The following SDK1 variants were observed in gnomAD, a reference collection of about 807,000 sequenced individuals.
SDK1 encodes sidekick cell adhesion molecule 1.
A neutral mutation model predicts 245.5 loss-of-function variants in SDK1; 157 were observed. The observed-to-expected ratio is 0.64, with a 90% CI of 0.56 to 0.73. The LOEUF is 0.73. Among genes scored for constraint, SDK1 ranks in the 30% least tolerant of loss-of-function variants. The probability of loss-of-function intolerance (pLI) is 0.00; values close to 1 mark genes in which losing one functional copy is unlikely to be tolerated. For synonymous variants in SDK1, 1,647 were observed against 1,278.5 expected (o/e 1.29, Z -6.15); for missense variants, 3,583 against 3,002.3 (o/e 1.19, Z -4.52).
At chr7:3,693,876 T>G (rs7812010) in intron 4 of SDK1, among the ~76,000 whole-genome samples, 38,461 of 151,878 alleles carry the variant, frequency 0.25, 7,726 homozygotes, top group African/African-American at 0.55. Context: ...CATTTTCTCC[T>G]TCCTGCACAT....
chr7:4,154,235 C>T (rs938492377), intron 30 of SDK1, among the ~76,000 whole-genome samples: 5 of 152,104 alleles, frequency 3.3e-5, no homozygotes, highest in South Asian at 4.1e-4. Flanking sequence ...TGTGATTAGC[C>T]GTCCGAGGCA....
chr7:3,449,100 A>G (rs1780434709), intron 1 of SDK1, among the ~76,000 whole-genome samples: 1 of 152,238 alleles, frequency 6.6e-6, no homozygotes, highest in Non-Finnish European at 1.5e-5. Flanking sequence ...TGCTTTTCAC[A>G]TACAGAGAAA....
chr7:3,803,774 A>T, intron 4 of SDK1, among the ~76,000 whole-genome samples: 2 of 120,382 alleles, frequency 1.7e-5, no homozygotes. Context: ...TTTGAGACAG[A>T]GTCTGGCCTG....
intron 17 of SDK1, among the ~76,000 whole-genome samples, chr7:4,047,976 C>T (rs536386787): frequency 3.9e-5 from 6 of 152,190 alleles, no homozygotes; most frequent in East Asian, 3.9e-4. Flanking sequence ...GAGAGGGGGC[C>T]GAGGGGCATC....
At position 4,265,978 on chromosome 7, in the gene SDK1, TC is replaced by T; in HGVS notation, c.*596del. ...CTAGTCAAGGAGTCGGCTTTCAGGT[TC>T]CTGACGGCCAGGCAGGGATGCTAAG... On this transcript the variant is annotated 3_prime_UTR_variant, in exon 45 of 45. Coordinates refer to ENST00000404826, the MANE Select transcript of SDK1 (RefSeq NM_152744.4). 2.0e-6 allele frequency: 2 copies of T among 985,644 alleles called. No individual in the cohort carries two copies. The highest frequency in any genetic ancestry group is 2.4e-6 in the Non-Finnish European group (2 of 830,060). 61.1% of individuals were successfully genotyped at this position (985,644 alleles called of 1,614,324 possible). A position where few individuals can be genotyped will look rare whatever the true frequency, so the allele number is the denominator to read the frequency against.
In SDK1 at chr7:4,210,085, C is replaced by G; in HGVS notation, c.5462C>G (p.Ser1821Cys). The change falls in exon 38 of 45, where the codon TCC (serine) becomes TGC (cysteine). Residue 1821 changes from serine to cysteine, a missense_variant. Coordinates refer to ENST00000404826, the MANE Select transcript of SDK1 (RefSeq NM_152744.4). ...ATAACCTCCACCACGCTCAACGTGT[C>G]CTGGGGCGAGCCTGCGGCGGCCAAC... ...SEITSTTLNV[S>C]WGEPAAANGI... is the part of the protein sequence containing the mutation. 3 of 1,610,910 alleles carry G rather than the reference C, an allele frequency of 1.9e-6. No individual in the cohort carries two copies. The highest frequency in any genetic ancestry group is 1.7e-5 in the Admixed American group (1 of 59,264).
At chr7:4,227,626 ATC>A (rs1408037432) in intron 40 of SDK1, among the ~76,000 whole-genome samples, 1 of 152,186 alleles carries the variant, frequency 6.6e-6, no homozygotes, top group African/African-American at 2.4e-5. Flanking sequence ...GGAACCAGAA[ATC>A]TCAGGCAGTG....
chr7:4,251,293 A>G (rs1202260013), intron 44 of SDK1, among the ~76,000 whole-genome samples: 3 of 152,248 alleles, frequency 2.0e-5, no homozygotes, highest in African/African-American at 7.2e-5. Flanking sequence ...CAACATCCTC[A>G]TGACTAAGAT....
rs371893220 is a variant in SDK1, at chr7:3,820,208, G to A, written c.714-1242G>A. Among the ~76,000 whole-genome samples the A allele has an allele frequency of 1.7e-4, 26 of 152,032 alleles. No individual in the cohort carries two copies. In the East Asian group the frequency reaches 4.3e-3, roughly 25 times the overall value. Reference sequence around the variant, plus strand: ...CTCTGTCACCAGGCTGGGGTGTGGCGGCGTGATCTCAGCTCACTTCAGCCT... The same window carrying A: ...CTCTGTCACCAGGCTGGGGTGTGGCAGCGTGATCTCAGCTCACTTCAGCCT... On this transcript the variant is annotated intron_variant, in intron 4 of 44. Coordinates refer to ENST00000404826, the MANE Select transcript of SDK1 (RefSeq NM_152744.4).
intron 35 of SDK1, among the ~76,000 whole-genome samples, chr7:4,196,681 G>T (rs1029920176): frequency 1.4e-4 from 21 of 152,168 alleles, no homozygotes; most frequent in African/African-American, 5.1e-4. Context: ...CCAGCACAGA[G>T]CCCACCCTGA....
intron 1 of SDK1, among the ~76,000 whole-genome samples, chr7:3,363,399 G>A (rs1177047828): frequency 4.0e-5 from 6 of 151,740 alleles, no homozygotes; most frequent in Non-Finnish European, 7.4e-5. Flanking sequence ...TCCATGTTTC[G>A]GTGGTTACAA....
At chr7:3,821,635 T>C in intron 5 of SDK1, 52 bp downstream of exon 5, 3 of 1,592,252 alleles carry the variant, frequency 1.9e-6, no homozygotes, top group Non-Finnish European at 2.6e-6. Context: ...AATCTTGCTT[T>C]AATCAGTAAC....
At position 4,129,893 on chromosome 7, in the gene SDK1, G is replaced by A. The variant is rs371531081; in HGVS notation, c.3940-15G>A. 1.7e-5 allele frequency: 27 copies of A among 1,613,004 alleles called. No individual in the cohort carries two copies. Among genetic ancestry groups the A allele is most frequent in the Non-Finnish European group, 2.0e-5 (24 of 1,179,772 alleles). On this transcript the variant is annotated splice_polypyrimidine_tract_variant and intron_variant, in intron 26 of 44. Coordinates refer to ENST00000404826, the MANE Select transcript of SDK1 (RefSeq NM_152744.4). ...CCCGCCTCCTGATAACCCTCGTGCT[G>A]TGTCGATACCACAGATCCTGTTCCG...
Position 3,787,330 on chromosome 7 carries a change from C to T in SDK1, c.714-34120C>T, listed in dbSNP as rs10250749. Among the ~76,000 whole-genome samples the T allele has an allele frequency of 5.6e-3, 852 of 152,200 alleles. 9 individuals carry two copies. Among genetic ancestry groups the T allele is most frequent in the African/African-American group, 0.02 (819 of 41,528 alleles). ...ACATAAGCATCTAAACTCTGATTAA[C>T]TCAGGAAAACACAAAGAAAATAGTT... is the stretch of plus-strand genomic sequence containing the variant. On this transcript the variant is annotated intron_variant, in intron 4 of 44. Coordinates refer to ENST00000404826, the MANE Select transcript of SDK1 (RefSeq NM_152744.4).
At chr7:4,256,706 T>G (rs909775641) in intron 44 of SDK1, among the ~76,000 whole-genome samples, 1 of 152,162 alleles carries the variant, frequency 6.6e-6, no homozygotes, top group Non-Finnish European at 1.5e-5. Context: ...ACACAGCATT[T>G]TTGTTGGTGA....
intron 4 of SDK1, among the ~76,000 whole-genome samples, chr7:3,737,221 G>A (rs796405958): frequency 1.2e-4 from 18 of 152,330 alleles, no homozygotes; most frequent in African/African-American, 4.3e-4. Flanking sequence ...GCCATAGGCT[G>A]GGCTCCGCAG....
intron 5 of SDK1, among the ~76,000 whole-genome samples, chr7:3,949,459 G>T (rs1261950054): frequency 3.3e-5 from 5 of 152,186 alleles, no homozygotes; most frequent in Non-Finnish European, 7.3e-5. Context: ...TCACCCCACC[G>T]CCAGCCGGGC....
intron 4 of SDK1, among the ~76,000 whole-genome samples, chr7:3,700,982 T>C (rs1203011375): frequency 2.0e-5 from 3 of 152,142 alleles, no homozygotes; most frequent in Admixed American, 6.5e-5. Flanking sequence ...AGCGGACATC[T>C]TGTGGCTGTG....
intron 14 of SDK1, among the ~76,000 whole-genome samples, chr7:3,991,068 G>A (rs1217426656): frequency 6.6e-5 from 10 of 152,244 alleles, no homozygotes; most frequent in Non-Finnish European, 5.9e-5. Context: ...CAGAGGCATC[G>A]ATGCAGCCTC....
Sources: gnomAD v4.1 joint callset for allele counts (sites outside exome capture counted in the v4.1 genomes callset) on GRCh38, gnomAD v4.1.1 for gene constraint, MANE v1.5 for transcripts, NCBI Gene and HGNC (gene_info 2026-07-23, HGNC 2026-07-21) for gene names.